Variants in CPT2 observed in about 807,000 individuals in gnomAD.
CPT2 encodes the protein carnitine palmitoyltransferase 2.
In CPT2, 37 loss-of-function variants were observed where a neutral mutation model predicts 48.6. The ratio of observed to expected loss-of-function variants is 0.76; its 90% CI spans 0.59 to 1.00. The LOEUF is 1.00. Ranked by LOEUF, CPT2 falls within the 50% of genes least tolerant of loss-of-function variation. The pLI is 0.00. For synonymous variants in CPT2, 319 were observed against 326.9 expected (o/e 0.98, Z 0.26); for missense variants, 772 against 825.6 (o/e 0.94, Z 0.80).
At position 53,196,839 on chromosome 1, in the gene CPT2, G is replaced by A; in HGVS notation, c.-105G>A. Reference sequence around the variant, plus strand: ...GCCTGCGGGCGGAGAAGTGCCTCAGGAGTCCTGACGCAGTGTCTTGGGCGC... The same window carrying A: ...GCCTGCGGGCGGAGAAGTGCCTCAGAAGTCCTGACGCAGTGTCTTGGGCGC... On this transcript the variant is annotated 5_prime_UTR_variant, in exon 1 of 5. Transcript: ENST00000371486. 7.1e-7 allele frequency: 1 copy of A among 1,412,690 alleles called. No individual in the cohort carries two copies. The highest frequency in any genetic ancestry group is 9.6e-7 in the Non-Finnish European group (1 of 1,044,358). The allele number at this position is 1,412,690 out of a possible 1,614,324, so 87.5% of individuals were successfully genotyped here. A position where few individuals can be genotyped will look rare whatever the true frequency, so the allele number is the denominator to read the frequency against.
rs1645424872 is a variant in CPT2, at chr1:53,211,152, C to A, written c.1478C>A (p.Ala493Glu). 1 of 1,612,318 alleles carries A rather than the reference C, an allele frequency of 6.2e-7. No homozygotes were observed. The highest frequency in any genetic ancestry group is 8.5e-7 in the Non-Finnish European group (1 of 1,178,826). The change falls in exon 4 of 5, where the codon GCA becomes GAA. Residue 493 changes from alanine to glutamate, a missense_variant. Ala to Glu is a moderately radical substitution (Grantham distance 107). Coordinates refer to ENST00000371486, the MANE Select transcript of CPT2 (RefSeq NM_000098.3). ...VATYESCSTA[A>E]FKHGRTETIR... ...ACCTACGAGTCCTGTAGCACTGCCG[C>A]ATTCAAGCACGGCCGCACTGAGACC...
rs1185037584 is a variant in CPT2 at position 53,200,781 on chromosome 1, T to C, written c.215T>C (p.Leu72Ser). 1.9e-6 allele frequency: 3 copies of C among 1,613,892 alleles called. No individual in the cohort carries two copies. In the Admixed American group the frequency reaches 5.0e-5, roughly 27 times the overall value. The change falls in exon 2 of 5, where the codon TTG becomes TCG. Residue 72 changes from leucine (L) to serine (S), a missense_variant. By Grantham distance (145) the Leu-to-Ser change is moderately radical (BLOSUM62 -2). Transcript: ENST00000371486. ...RRYLSAQKPLLNDGQFRKTEQ... is the reference protein window; with the variant it reads ...RRYLSAQKPLSNDGQFRKTEQ... ...TACCTCAGTGCACAGAAGCCTCTCT[T>C]GAATGATGGCCAGTTCAGGTAAACA...
Position 53,196,837 on chromosome 1 carries a change from A to G in CPT2, c.-107A>G, listed in dbSNP as rs987975787. 144 of 1,403,094 alleles carry G rather than the reference A, an allele frequency of 1.0e-4. No homozygotes were observed. The Middle Eastern group carries it at 1.5e-3, about 14-fold the overall frequency. The allele number at this position is 1,403,094 out of a possible 1,614,324, so 86.9% of individuals were successfully genotyped here. On this transcript the variant is annotated 5_prime_UTR_variant, in exon 1 of 5. Transcript: ENST00000371486. ...TGGCCTGCGGGCGGAGAAGTGCCTC[A>G]GGAGTCCTGACGCAGTGTCTTGGGC...
intron 4 of CPT2, chr1:53,212,959 T>C: frequency 1.7e-6 from 1 of 589,932 alleles, no homozygotes; most frequent in African/African-American, 1.9e-5. Flanking sequence ...CTGTACTGTC[T>C]TGACTCTTTG....
At chr1:53,204,815 C>A (rs1359390677) in intron 3 of CPT2, among the ~76,000 whole-genome samples, 2 of 152,174 alleles carry the variant, frequency 1.3e-5, no homozygotes, top group Non-Finnish European at 2.9e-5. Context: ...GCAGTTCCCC[C>A]ACTTGTTCGC....
chr1:53,213,194 G>GT, intron 4 of CPT2, 70 bp from the exon 5 acceptor site: 1 of 1,497,794 alleles, frequency 6.7e-7, no homozygotes, highest in South Asian at 1.1e-5. Context: ...CTACCATGTG[G>GT]TGAGTTGGGA....
At chr1:53,198,818 G>A (rs1470534192) in intron 1 of CPT2, among the ~76,000 whole-genome samples, 2 of 152,168 alleles carry the variant, frequency 1.3e-5, no homozygotes, top group East Asian at 3.8e-4. Context: ...ATAACCTTAA[G>A]CAACCAACCT....
At chr1:53,198,066 C>T (rs1645334610) in intron 1 of CPT2, among the ~76,000 whole-genome samples, 1 of 152,210 alleles carries the variant, frequency 6.6e-6, no homozygotes, top group African/African-American at 2.4e-5. Context: ...ACTCCGCTTT[C>T]GTCTGAGTTG....
intron 4 of CPT2, among the ~76,000 whole-genome samples, chr1:53,212,475 T>C (rs1438229220): frequency 1.3e-5 from 2 of 152,220 alleles, no homozygotes; most frequent in Non-Finnish European, 2.9e-5. Flanking sequence ...ACTAGGATTA[T>C]AGGCATGCAC....
intron 3 of CPT2, chr1:53,208,036 C>G (rs1057367734): frequency 6.6e-6 from 1 of 152,164 alleles, no homozygotes; most frequent in African/African-American, 2.4e-5. Context: ...TCTCGTCTCC[C>G]ATTCTCTTGG....
At chr1:53,206,615 G>A (rs1386054461) in intron 3 of CPT2, among the ~76,000 whole-genome samples, 1 of 152,250 alleles carries the variant, frequency 6.6e-6, no homozygotes, top group East Asian at 1.9e-4. Context: ...AAGATTTAAT[G>A]GCTGCCCTGC....
At position 53,202,444 on chromosome 1, in the gene CPT2, C is replaced by T. The variant is rs1326446586; in HGVS notation, c.340+15C>T. The T allele has an allele frequency of 6.3e-7, 1 of 1,587,422 alleles. No individual in the cohort carries two copies. Among genetic ancestry groups the T allele is most frequent in the Non-Finnish European group, 8.7e-7 (1 of 1,155,540 alleles). Reference sequence around the variant, plus strand: ...CTACATTTCGGGTAGGTAGGCTGGGCTGTGGGTATGATTTCTCCCAGAGCC... The same window carrying T: ...CTACATTTCGGGTAGGTAGGCTGGGTTGTGGGTATGATTTCTCCCAGAGCC... On this transcript the variant is annotated intron_variant, in intron 3 of 4. Coordinates refer to ENST00000371486, the MANE Select transcript of CPT2 (RefSeq NM_000098.3).
chr1:53,204,704 G>T (rs1190624522), intron 3 of CPT2, among the ~76,000 whole-genome samples: 1 of 152,124 alleles, frequency 6.6e-6, no homozygotes, highest in Non-Finnish European at 1.5e-5. Context: ...TTGAAGGAGG[G>T]ACCTGGAGGG....
chr1:53,211,311 C>T lies in CPT2; in HGVS notation c.1637C>T (p.Ala546Val), dbSNP rs1450080693. ...TACCATGGCCAGCTGACCAAAGAAGCAGCAATGGGTGAGGCAGGGGTGGGG... is the reference window on the plus strand; with the variant it reads ...TACCATGGCCAGCTGACCAAAGAAGTAGCAATGGGTGAGGCAGGGGTGGGG... ...SKYHGQLTKE[A>V]AMGQGFDRHL... Residue 546 changes from alanine to valine, a missense_variant, in exon 4 of 5, where the codon GCA (alanine) becomes GTA (valine). Physicochemically the swap from Ala to Val is moderately conservative, Grantham distance 64 (BLOSUM62 0). Coordinates refer to ENST00000371486, the MANE Select transcript of CPT2 (RefSeq NM_000098.3). 1.2e-6 allele frequency: 2 copies of T among 1,604,262 alleles called. No homozygotes were observed. The highest frequency in any genetic ancestry group is 2.3e-5 in the East Asian group (1 of 44,294).
Position 53,196,908 on chromosome 1 carries a change from C to G in CPT2, c.-36C>G, listed in dbSNP as rs1241747106. 1 of 1,536,830 alleles carries G rather than the reference C, an allele frequency of 6.5e-7. No homozygotes were observed. The highest frequency in any genetic ancestry group is 8.7e-7 in the Non-Finnish European group (1 of 1,149,702). On this transcript the variant is annotated 5_prime_UTR_variant, in exon 1 of 5. Coordinates refer to ENST00000371486, the MANE Select transcript of CPT2 (RefSeq NM_000098.3). ...TGTGTTTAGACTCCAGAACTCCCCA[C>G]TTGCCGCGTTCTCGCCGCCGCAGGC...
chr1:53,210,339 A>G lies in CPT2; in HGVS notation c.665A>G (p.Asn222Ser), dbSNP rs760978599. Residue 222 changes from asparagine to serine, a missense_variant, in exon 4 of 5, where the codon AAC (asparagine) becomes AGC (serine). Coordinates refer to ENST00000371486, the MANE Select transcript of CPT2 (RefSeq NM_000098.3). ...ATGTCCCAGTATTTTCGGCTTTTCA[A>G]CTCAACTCGTTTACCCAAACCCAGT... The part of the protein sequence containing the change: ...LDMSQYFRLF[N>S]STRLPKPSRD... The G allele has an allele frequency of 3.4e-5, 55 of 1,613,890 alleles. No homozygotes were observed. Among genetic ancestry groups the G allele is most frequent in the Non-Finnish European group, 4.4e-5 (52 of 1,180,036 alleles).
In CPT2 at chr1:53,197,023, C is replaced by T. The variant is rs1645327264; in HGVS notation, c.80C>T (p.Ala27Val). 11 of 1,535,922 alleles carry T rather than the reference C, an allele frequency of 7.2e-6. No individual in the cohort carries two copies. Among genetic ancestry groups the T allele is most frequent in the East Asian group, 4.9e-5 (2 of 40,644 alleles). The change falls in exon 1 of 5, where the codon GCC becomes GTC. Residue 27 changes from alanine (A) to valine (V), a missense_variant. Coordinates refer to ENST00000371486, the MANE Select transcript of CPT2 (RefSeq NM_000098.3). ...GPGAPSRPLSAGSGPGQYLQR... is the reference protein window; with the variant it reads ...GPGAPSRPLSVGSGPGQYLQR... ...GGAGCCCCCAGTCGGCCCCTCAGCG[C>T]CGGCTCCGGGCCCGGCCAGTACCTG...
intron 4 of CPT2, 80 bp downstream of exon 4, chr1:53,211,399 A>G: frequency 2.9e-6 from 4 of 1,369,104 alleles, no homozygotes; most frequent in South Asian, 2.5e-5. Context: ...TCTACTCCAA[A>G]TCTGATTTCT....
In CPT2 at chr1:53,213,913, G is replaced by T. The variant is rs951718987; in HGVS notation, c.*318G>T. 16 of 327,108 alleles carry T rather than the reference G, an allele frequency of 4.9e-5. No individual in the cohort carries two copies. In the East Asian group the frequency reaches 1.1e-3, roughly 23 times the overall value. 20.3% of individuals were successfully genotyped at this position (327,108 alleles called of 1,614,324 possible). On this transcript the variant is annotated 3_prime_UTR_variant, in exon 5 of 5. Transcript: ENST00000371486. ...TGCACTCCGGCCTGGGCGACAGAGC[G>T]AGACTGTCTCAAAAAAACAAAAAAG...
Sources: allele counts gnomAD v4.1 joint callset (sites outside exome capture counted in the v4.1 genomes callset), GRCh38; gene constraint gnomAD v4.1.1; transcripts MANE v1.5; gene names NCBI Gene and HGNC (gene_info 2026-07-23, HGNC 2026-07-21).